Variants in SLC9A9 observed in about 807,000 individuals in gnomAD.
SLC9A9 encodes sodium/hydrogen exchanger 9.
Under a neutral mutation model 77.8 loss-of-function variants are expected in SLC9A9, and 62 were observed. The observed-to-expected ratio is 0.80, with a 90% CI of 0.65 to 0.98. The LOEUF (loss-of-function observed/expected upper bound fraction) is 0.98, where lower values mean the gene tolerates loss of function less well. Among genes scored for constraint, SLC9A9 ranks in the 50% least tolerant of loss-of-function variants. SLC9A9 has a pLI of 0.00. For missense variants in SLC9A9, 775 were observed against 774.9 expected, an observed-to-expected ratio of 1.00 and a Z score of 0.00; for synonymous variants, 320 against 283.5, an observed-to-expected ratio of 1.13 and a Z score of -1.29.
chr3:143,721,632 C>T (rs1934500442), intron 4 of SLC9A9, among the ~76,000 whole-genome samples: 1 of 152,102 alleles, frequency 6.6e-6, no homozygotes, highest in African/African-American at 2.4e-5. Context: ...AGGTGAGAAA[C>T]CTCTCCTTCA....
At chr3:143,692,643 T>G (rs1933506311) in intron 5 of SLC9A9, among the ~76,000 whole-genome samples, 1 of 152,164 alleles carries the variant, frequency 6.6e-6, no homozygotes, top group Non-Finnish European at 1.5e-5. Flanking sequence ...TACATCATTC[T>G]CAAAAGAAGA....
At chr3:143,663,165 G>T (rs1386480861) in intron 5 of SLC9A9, among the ~76,000 whole-genome samples, 1 of 152,176 alleles carries the variant, frequency 6.6e-6, no homozygotes, top group African/African-American at 2.4e-5. Flanking sequence ...TGATACCCAG[G>T]CAAACAGGGT....
At chr3:143,725,581 T>G (rs1234986980) in intron 4 of SLC9A9, among the ~76,000 whole-genome samples, 1 of 134,728 alleles carries the variant, frequency 7.4e-6, no homozygotes, top group Admixed American at 7.6e-5. Context: ...TTCATGTCCT[T>G]TGTAGGGACA....
chr3:143,644,299 G>A (rs2038668534), intron 6 of SLC9A9, among the ~76,000 whole-genome samples: 1 of 152,174 alleles, frequency 6.6e-6, no homozygotes, highest in Admixed American at 6.5e-5. Context: ...CCATCCACAT[G>A]GATTTCTTTT....
At chr3:143,489,372 T>C (rs1313426885) in intron 11 of SLC9A9, among the ~76,000 whole-genome samples, 1 of 151,826 alleles carries the variant, frequency 6.6e-6, no homozygotes, top group Non-Finnish European at 1.5e-5. Flanking sequence ...TTAAAAGAAA[T>C]AGTAAAACCT....
At chr3:143,377,473 C>T (rs532784713) in intron 13 of SLC9A9, among the ~76,000 whole-genome samples, 1 of 152,218 alleles carries the variant, frequency 6.6e-6, no homozygotes, top group Non-Finnish European at 1.5e-5. Context: ...CTTCTTCAGA[C>T]CTTTCTCAGC....
chr3:143,424,654 G>A (rs997176028), intron 12 of SLC9A9, among the ~76,000 whole-genome samples: 7 of 152,138 alleles, frequency 4.6e-5, no homozygotes, highest in African/African-American at 7.2e-5. Context: ...TTGAGCCACT[G>A]TGCCCGGCCT....
chr3:143,349,023 T>C (rs2032379413), intron 14 of SLC9A9, among the ~76,000 whole-genome samples: 1 of 152,224 alleles, frequency 6.6e-6, no homozygotes, highest in Non-Finnish European at 1.5e-5. Context: ...TCCCCTGATC[T>C]TGGGGCAGGA....
intron 11 of SLC9A9, among the ~76,000 whole-genome samples, chr3:143,475,178 A>G (rs1470850481): frequency 1.3e-5 from 2 of 149,350 alleles, no homozygotes; most frequent in African/African-American, 4.9e-5. Context: ...CATGTTGGTC[A>G]GGATGGTTTC....
At chr3:143,705,011 CT>C (rs1207056578) in intron 4 of SLC9A9, among the ~76,000 whole-genome samples, 1 of 30,224 alleles carries the variant, frequency 3.3e-5, no homozygotes, top group Admixed American at 2.9e-4. Flanking sequence ...ATCTATCTAT[CT>C]ATCTATCTAT....
Position 143,675,221 on chromosome 3 carries a change from T to C in SLC9A9, c.649+17971A>G, listed in dbSNP as rs115991579. 1.2e-3 allele frequency among the ~76,000 whole-genome samples: 189 copies of C among 152,356 alleles called. 1 individual carries two copies. Among genetic ancestry groups the C allele is most frequent in the African/African-American group, 4.4e-3 (181 of 41,586 alleles). On this transcript the variant is annotated intron_variant, in intron 5 of 15. Transcript: ENST00000316549. Reference sequence around the variant, plus strand: ...GAATTTTCCCTGCACATCAGAAATATGCCTTGTGCATAGTAACAGGGATTG... The same window carrying C: ...GAATTTTCCCTGCACATCAGAAATACGCCTTGTGCATAGTAACAGGGATTG...
intron 14 of SLC9A9, among the ~76,000 whole-genome samples, chr3:143,281,454 C>T (rs1237109950): frequency 6.6e-6 from 1 of 152,142 alleles, no homozygotes; most frequent in African/African-American, 2.4e-5. Flanking sequence ...AAATCATTCT[C>T]CCACAGAATT....
intron 9 of SLC9A9, among the ~76,000 whole-genome samples, chr3:143,528,719 G>A (rs944450495): frequency 6.6e-6 from 1 of 151,898 alleles, no homozygotes; most frequent in Non-Finnish European, 1.5e-5. Context: ...CAAGTAAAAA[G>A]TCCTAGAAGA....
At chr3:143,804,567 A>G (rs1354930051) in intron 2 of SLC9A9, among the ~76,000 whole-genome samples, 2 of 152,126 alleles carry the variant, frequency 1.3e-5, no homozygotes, top group Admixed American at 1.3e-4. Flanking sequence ...TTTGCCTTGC[A>G]CAAGGTCTCT....
At chr3:143,348,832 T>C (rs1576441008) in intron 14 of SLC9A9, among the ~76,000 whole-genome samples, 1 of 152,178 alleles carries the variant, frequency 6.6e-6, no homozygotes, top group Non-Finnish European at 1.5e-5. Context: ...GGGGAGTTGC[T>C]GTTGTGGTTA....
intron 9 of SLC9A9, among the ~76,000 whole-genome samples, chr3:143,545,766 G>A (rs1433812127): frequency 6.6e-6 from 1 of 152,186 alleles, no homozygotes; most frequent in African/African-American, 2.4e-5. Context: ...GTTTTTGATT[G>A]CCTCATCCTT....
intron 6 of SLC9A9, among the ~76,000 whole-genome samples, chr3:143,605,254 T>TA (rs1311882584): frequency 6.6e-6 from 1 of 152,212 alleles, no homozygotes; most frequent in Non-Finnish European, 1.5e-5. Flanking sequence ...CATCAGCCCT[T>TA]TACACATTTG....
intron 8 of SLC9A9, among the ~76,000 whole-genome samples, chr3:143,568,608 T>C (rs1013198899): frequency 1.4e-4 from 21 of 152,196 alleles, no homozygotes; most frequent in African/African-American, 4.8e-4. Flanking sequence ...AGGAATATTA[T>C]TGGGCACAGA....
intron 9 of SLC9A9, among the ~76,000 whole-genome samples, chr3:143,516,722 T>C (rs1242531856): frequency 2.0e-5 from 3 of 152,178 alleles, no homozygotes; most frequent in Non-Finnish European, 4.4e-5. Flanking sequence ...GTATATTTAT[T>C]AAAGTAGTAG....
Sources: allele counts gnomAD v4.1 joint callset (sites outside exome capture counted in the v4.1 genomes callset), GRCh38; gene constraint gnomAD v4.1.1; transcripts MANE v1.5; gene names NCBI Gene and HGNC (gene_info 2026-07-23, HGNC 2026-07-21).